SERPINE2: variants seen among roughly 807,000 people sequenced by gnomAD.
SERPINE2 encodes the protein serpin family E member 2, also known as glia-derived nexin.
A neutral mutation model predicts 36.3 loss-of-function variants in SERPINE2; 14 were observed. The ratio of observed to expected loss-of-function variants is 0.39; its 90% CI spans 0.25 to 0.60. The LOEUF (loss-of-function observed/expected upper bound fraction) is 0.60, where lower values mean the gene tolerates loss of function less well. SERPINE2 is among the 20% of genes least tolerant of loss of function. The pLI, the probability that SERPINE2 is intolerant of heterozygous loss-of-function variation, is 0.57. For missense variants in SERPINE2, 418 were observed against 499.6 expected, an observed-to-expected ratio of 0.84 and a Z score of 1.56; for synonymous variants, 192 against 191.8, an observed-to-expected ratio of 1.00 and a Z score of -0.01.
intron 3 of SERPINE2, among the ~76,000 whole-genome samples, chr2:223,996,434 G>A (rs1690890578): frequency 1.3e-5 from 2 of 152,214 alleles, no homozygotes; most frequent in South Asian, 4.1e-4. Flanking sequence ...AGGCCCCACT[G>A]AGAAGGGACG....
intron 1 of SERPINE2, among the ~76,000 whole-genome samples, chr2:224,004,273 C>G (rs565176535): frequency 6.6e-6 from 1 of 152,172 alleles, no homozygotes; most frequent in Non-Finnish European, 1.5e-5. Flanking sequence ...CCTGGCCCCC[C>G]GACACAGAGG....
At chr2:223,984,995 A>G (rs754622327) in intron 4 of SERPINE2, 45 bp from the exon 5 acceptor site, 2 of 1,577,530 alleles carry the variant, frequency 1.3e-6, no homozygotes, top group South Asian at 1.1e-5. Context: ...GTTGACTTCT[A>G]GAAGCAGGAT....
intron 2 of SERPINE2, among the ~76,000 whole-genome samples, chr2:224,001,153 G>C (rs1691103413): frequency 6.6e-6 from 1 of 152,118 alleles, no homozygotes; most frequent in South Asian, 2.1e-4. Context: ...TGTGGGCTTG[G>C]GGAGGGGGGT....
chr2:223,990,448 C>G (rs1204875312), intron 4 of SERPINE2, among the ~76,000 whole-genome samples: 1 of 152,004 alleles, frequency 6.6e-6, no homozygotes, highest in African/African-American at 2.4e-5. Context: ...TCTGTAAAAA[C>G]AAACATTTTA....
chr2:223,997,186 C>G (rs11884535), intron 3 of SERPINE2, among the ~76,000 whole-genome samples: 64,580 of 152,102 alleles, frequency 0.42, 17,035 homozygotes, highest in African/African-American at 0.75. Context: ...TGGACCTCCA[C>G]GTTACAAATT....
intron 1 of SERPINE2, among the ~76,000 whole-genome samples, chr2:224,017,090 G>T (rs1272082435): frequency 6.6e-6 from 1 of 152,200 alleles, no homozygotes; most frequent in African/African-American, 2.4e-5. Flanking sequence ...TGATAAAACT[G>T]CATAGAAGTA....
At chr2:224,012,141 C>G (rs1691648162) in intron 1 of SERPINE2, among the ~76,000 whole-genome samples, 1 of 152,148 alleles carries the variant, frequency 6.6e-6, no homozygotes, top group Admixed American at 6.5e-5. Context: ...GGGACTTCAC[C>G]TGGTATTTCT....
At chr2:224,029,937 T>A (rs1692303941) in intron 1 of SERPINE2, 3 of 481,812 alleles carry the variant, frequency 6.2e-6, no homozygotes, top group South Asian at 1.7e-4. Context: ...CCTCAAGTGA[T>A]CTGCCCACCT....
At position 224,014,850 on chromosome 2, in the gene SERPINE2, G is replaced by A. The variant is rs1285003715; in HGVS notation, c.-22-12928C>T. ...GAAGCACCACAGTGCCAGGCCTGGC[G>A]CTGGGATGCTAGAGAGAGAATAGGC... On this transcript the variant is annotated intron_variant, in intron 1 of 8. Coordinates refer to ENST00000409304, the MANE Select transcript of SERPINE2 (RefSeq NM_001136528.2). Among the ~76,000 whole-genome samples the A allele has an allele frequency of 2.0e-5, 3 of 152,270 alleles. No homozygotes were observed. The South Asian group carries it at 6.2e-4, about 32-fold the overall frequency.
intron 1 of SERPINE2, among the ~76,000 whole-genome samples, chr2:224,027,356 T>A (rs1692220634): frequency 1.3e-5 from 2 of 152,200 alleles, no homozygotes; most frequent in Non-Finnish European, 2.9e-5. Context: ...CGCATGGGCA[T>A]CAGGGACTGC....
At chr2:224,020,117 T>C (rs1691946048) in intron 1 of SERPINE2, among the ~76,000 whole-genome samples, 1 of 152,190 alleles carries the variant, frequency 6.6e-6, no homozygotes, top group Non-Finnish European at 1.5e-5. Context: ...TGCATTTTAA[T>C]ATGGTATCAC....
At chr2:224,037,309 A>T (rs964008742) in intron 1 of SERPINE2, among the ~76,000 whole-genome samples, 1 of 152,190 alleles carries the variant, frequency 6.6e-6, no homozygotes, top group Non-Finnish European at 1.5e-5. Context: ...AACCCGCAAG[A>T]GGAAAAGCAT....
chr2:223,998,027 G>C, intron 3 of SERPINE2, 88 bp downstream of exon 3: 2 of 1,043,084 alleles, frequency 1.9e-6, no homozygotes, highest in Non-Finnish European at 3.0e-6. Flanking sequence ...CATTGAATTG[G>C]ACTTGCAGAC....
chr2:223,997,990 G>A (rs140217992), intron 3 of SERPINE2, 125 bp downstream of exon 3: 1 of 713,620 alleles, frequency 1.4e-6, no homozygotes, highest in African/African-American at 1.8e-5. Context: ...GAGCTTCCTT[G>A]GTCCAGGAGT....
intron 1 of SERPINE2, among the ~76,000 whole-genome samples, chr2:224,028,665 A>G (rs539196825): frequency 3.3e-5 from 5 of 152,322 alleles, no homozygotes; most frequent in South Asian, 2.1e-4. Context: ...AATGATTTCT[A>G]CCTTACAAGG....
intron 1 of SERPINE2, among the ~76,000 whole-genome samples, chr2:224,036,522 G>A (rs753215227): frequency 2.0e-5 from 3 of 151,364 alleles, no homozygotes; most frequent in Non-Finnish European, 4.4e-5. Flanking sequence ...AGCATTAGGA[G>A]AAATACCTAA....
intron 1 of SERPINE2, chr2:224,038,560 G>A: frequency 6.5e-7 from 1 of 1,529,552 alleles, no homozygotes; most frequent in Non-Finnish European, 8.9e-7. Context: ...CTGCTCGCTC[G>A]GGTTAAATCG....
Position 223,975,343 on chromosome 2 carries a change from AAACACAAAGAGGCTAGAG to A in SERPINE2, c.*506_*523del, listed in dbSNP as rs1480592296. Reference sequence around the variant, plus strand: ...AAAACAACAACAACAACAACAACAAAAACACAAAGAGGCTAGAGATTTCACCGTTTCTACCACCAAAAT... The same window carrying A: ...AAAACAACAACAACAACAACAACAAAATTTCACCGTTTCTACCACCAAAAT... On this transcript the variant is annotated 3_prime_UTR_variant, in exon 9 of 9. Coordinates refer to ENST00000409304, the MANE Select transcript of SERPINE2 (RefSeq NM_001136528.2). The A allele has an allele frequency of 1.3e-5, 2 of 152,610 alleles. No homozygotes were observed. Among genetic ancestry groups the A allele is most frequent in the African/African-American group, 4.8e-5 (2 of 41,416 alleles). The allele number at this position is 152,610 out of a possible 1,614,324, so 9.5% of individuals were successfully genotyped here. A position where few individuals can be genotyped will look rare whatever the true frequency, so the allele number is the denominator to read the frequency against.
At chr2:224,026,531 CATCT>C (rs1343996929) in intron 1 of SERPINE2, among the ~76,000 whole-genome samples, 1 of 152,192 alleles carries the variant, frequency 6.6e-6, no homozygotes, top group African/African-American at 2.4e-5. Flanking sequence ...TCATGGATCT[CATCT>C]ATCTAGTTTT....
Sources: gnomAD v4.1 joint callset for allele counts (sites outside exome capture counted in the v4.1 genomes callset) on GRCh38, gnomAD v4.1.1 for gene constraint, MANE v1.5 for transcripts, NCBI Gene and HGNC (gene_info 2026-07-23, HGNC 2026-07-21) for gene names.